STK38L: variants seen among roughly 807,000 people sequenced by gnomAD.
The protein encoded by STK38L is serine/threonine-protein kinase 38-like.
STK38L carries 28 observed loss-of-function variants against 59.7 expected under a neutral mutation model. The ratio of observed to expected loss-of-function variants is 0.47; its 90% CI spans 0.35 to 0.64. The LOEUF is 0.64. Among genes scored for constraint, STK38L ranks in the 30% least tolerant of loss-of-function variants. The pLI, the probability that STK38L is intolerant of heterozygous loss-of-function variation, is 0.01. For missense variants in STK38L, 314 were observed against 555.8 expected, an observed-to-expected ratio of 0.56 and a Z score of 4.37; for synonymous variants, 162 against 176.8, an observed-to-expected ratio of 0.92 and a Z score of 0.66.
At chr12:27,286,405 T>TTCA (rs1943773749) in intron 1 of STK38L, among the ~76,000 whole-genome samples, 1 of 152,234 alleles carries the variant, frequency 6.6e-6, no homozygotes, top group South Asian at 2.1e-4. Flanking sequence ...ACACTGTTTG[T>TTCA]TCATCACAAT....
intron 1 of STK38L, among the ~76,000 whole-genome samples, chr12:27,275,569 C>T (rs1943517230): frequency 6.6e-6 from 1 of 151,994 alleles, no homozygotes; most frequent in Non-Finnish European, 1.5e-5. Flanking sequence ...GAACCCCTGA[C>T]CTCAGGTGAT....
chr12:27,285,528 G>A (rs1409640844), intron 1 of STK38L, among the ~76,000 whole-genome samples: 1 of 152,148 alleles, frequency 6.6e-6, no homozygotes, highest in African/African-American at 2.4e-5. Context: ...AAAAGCAAGT[G>A]TTCAAAGCTG....
chr12:27,320,024 C>T (rs1944685625), intron 12 of STK38L, among the ~76,000 whole-genome samples: 1 of 152,188 alleles, frequency 6.6e-6, no homozygotes, highest in African/African-American at 2.4e-5. Flanking sequence ...TTTCTTAGGA[C>T]TGCAGGATAT....
At chr12:27,244,428 T>C (rs1942804263) in intron 1 of STK38L, 96 bp downstream of exon 1, 1 of 152,782 alleles carries the variant, frequency 6.5e-6, no homozygotes, top group Non-Finnish European at 1.5e-5. Context: ...TAGGTGTCTT[T>C]GGGTGTCCAG....
intron 1 of STK38L, among the ~76,000 whole-genome samples, chr12:27,284,172 A>G (rs1171547194): frequency 6.6e-6 from 1 of 152,228 alleles, no homozygotes; most frequent in African/African-American, 2.4e-5. Context: ...TAGGGCTATT[A>G]GATGCTACAT....
intron 3 of STK38L, among the ~76,000 whole-genome samples, chr12:27,303,088 T>C (rs1222087901): frequency 6.6e-6 from 1 of 151,882 alleles, no homozygotes; most frequent in Non-Finnish European, 1.5e-5. Context: ...CCTCATCTCT[T>C]GTCACCCGCC....
chr12:27,319,826 C>CAAGT (rs1330834661), intron 12 of STK38L, among the ~76,000 whole-genome samples: 1 of 152,120 alleles, frequency 6.6e-6, no homozygotes, highest in East Asian at 1.9e-4. Flanking sequence ...TTAAATAATA[C>CAAGT]AAGTAACTTT....
chr12:27,303,982 C>T (rs571448192), intron 3 of STK38L, among the ~76,000 whole-genome samples: 47 of 152,252 alleles, frequency 3.1e-4, no homozygotes, highest in Non-Finnish European at 6.2e-4. Context: ...GTTTAACATG[C>T]TGAGTGCAGT....
intron 1 of STK38L, among the ~76,000 whole-genome samples, chr12:27,287,085 T>C (rs1177315608): frequency 1.3e-5 from 2 of 151,988 alleles, no homozygotes; most frequent in Non-Finnish European, 2.9e-5. Context: ...ATTTTAAATA[T>C]ATGCTTTTAG....
intron 1 of STK38L, among the ~76,000 whole-genome samples, chr12:27,249,972 G>A (rs1169037098): frequency 6.6e-6 from 1 of 152,192 alleles, no homozygotes; most frequent in Non-Finnish European, 1.5e-5. Flanking sequence ...ATAGGGTGGA[G>A]TTAATAATGT....
At chr12:27,286,726 T>C (rs923805353) in intron 1 of STK38L, among the ~76,000 whole-genome samples, 2 of 152,242 alleles carry the variant, frequency 1.3e-5, no homozygotes, top group Non-Finnish European at 2.9e-5. Flanking sequence ...AATATCTCTA[T>C]GGTTCTTGGT....
intron 4 of STK38L, 101 bp from the exon 5 acceptor site, chr12:27,309,013 T>C (rs1944397256): frequency 2.5e-6 from 1 of 407,628 alleles, no homozygotes. Flanking sequence ...ATTCCTGAAA[T>C]ACCAACACTG....
chr12:27,301,103 C>T (rs565994405), intron 2 of STK38L, among the ~76,000 whole-genome samples: 49 of 152,082 alleles, frequency 3.2e-4, no homozygotes, highest in Non-Finnish European at 5.9e-4. Flanking sequence ...AAATGTGTTC[C>T]ACAACCATCT....
At chr12:27,282,282 C>G (rs1319845941) in intron 1 of STK38L, among the ~76,000 whole-genome samples, 2 of 152,146 alleles carry the variant, frequency 1.3e-5, no homozygotes, top group Non-Finnish European at 2.9e-5. Context: ...AGCTAAAGCA[C>G]ACTCTTTTTC....
At chr12:27,307,785 T>A (rs186251455) in intron 3 of STK38L, among the ~76,000 whole-genome samples, 1 of 152,328 alleles carries the variant, frequency 6.6e-6, no homozygotes, top group East Asian at 1.9e-4. Flanking sequence ...TTTAATGACT[T>A]CTTCTTGTAA....
At chr12:27,259,004 T>C (rs1483275070) in intron 1 of STK38L, among the ~76,000 whole-genome samples, 1 of 152,212 alleles carries the variant, frequency 6.6e-6, no homozygotes, top group African/African-American at 2.4e-5. Context: ...TGGAGCTTGT[T>C]AAATACCTTT....
chr12:27,260,647 C>T (rs1292476290), intron 1 of STK38L, among the ~76,000 whole-genome samples: 1 of 152,160 alleles, frequency 6.6e-6, no homozygotes, highest in Non-Finnish European at 1.5e-5. Flanking sequence ...GTACTCTCCT[C>T]CCTTCAGATT....
At chr12:27,247,981 AT>A (rs1463823089) in intron 1 of STK38L, among the ~76,000 whole-genome samples, 1 of 150,678 alleles carries the variant, frequency 6.6e-6, no homozygotes, top group African/African-American at 2.4e-5. Context: ...CGCCCGACTG[AT>A]TTTTAAATTT....
chr12:27,252,484 T>A (rs1942998421), intron 1 of STK38L, among the ~76,000 whole-genome samples: 1 of 152,242 alleles, frequency 6.6e-6, no homozygotes. Flanking sequence ...GTTAAGTGTC[T>A]ACCCACTGAC....
Sources: allele counts gnomAD v4.1 joint callset (sites outside exome capture counted in the v4.1 genomes callset), GRCh38; gene constraint gnomAD v4.1.1; transcripts MANE v1.5; gene names NCBI Gene and HGNC (gene_info 2026-07-23, HGNC 2026-07-21).